NUTF2: variants seen among roughly 807,000 people sequenced by gnomAD.
The protein encoded by NUTF2 is nuclear transport factor 2.
In NUTF2, 3 loss-of-function variants were observed where a neutral mutation model predicts 18.5. That is an observed-to-expected ratio of 0.16 (90% confidence interval 0.07 to 0.42). The LOEUF (loss-of-function observed/expected upper bound fraction) is 0.42. NUTF2 is among the 10% of genes least tolerant of loss of function. The probability of loss-of-function intolerance (pLI) is 0.99; values close to 1 mark genes in which losing one functional copy is unlikely to be tolerated. For synonymous variants in NUTF2, 51 were observed against 57.9 expected (o/e 0.88, Z 0.54); for missense variants, 44 against 160.7 (o/e 0.27, Z 3.93).
chr16:67,866,998 G>A (rs568589191), intron 2 of NUTF2, among the ~76,000 whole-genome samples: 61 of 150,596 alleles, frequency 4.1e-4, no homozygotes, highest in Non-Finnish European at 8.3e-4. Context: ...TTGAGATGGA[G>A]TCTCACTCTG....
At chr16:67,858,606 G>A (rs544796573) in intron 1 of NUTF2, among the ~76,000 whole-genome samples, 1 of 152,196 alleles carries the variant, frequency 6.6e-6, no homozygotes, top group Non-Finnish European at 1.5e-5. Context: ...AAAGCCCTGC[G>A]ATGAGAACAG....
In NUTF2 at chr16:67,871,973, T is replaced by C. The variant is rs2058016580; in HGVS notation, c.*1060T>C. 1 of 152,060 alleles carries C rather than the reference T, an allele frequency of 6.6e-6. No individual in the cohort carries two copies. Among genetic ancestry groups the C allele is most frequent in the African/African-American group, 2.4e-5 (1 of 41,378 alleles). The allele number at this position is 152,060 out of a possible 1,614,324, so 9.4% of individuals were successfully genotyped here. ...CTGTGAGGGACTCATGCTTTAGGAG[T>C]CCTCACCCCTCAGACTGCTGCAGGA... is the stretch of plus-strand genomic sequence containing the variant. On this transcript the variant is annotated 3_prime_UTR_variant, in exon 5 of 5. Transcript: ENST00000219169.
chr16:67,852,772 TG>T (rs1598159261), intron 1 of NUTF2, among the ~76,000 whole-genome samples: 1 of 152,142 alleles, frequency 6.6e-6, no homozygotes, highest in Non-Finnish European at 1.5e-5. Flanking sequence ...CTCTGCCTCC[TG>T]GGTTCTAGCG....
chr16:67,857,306 G>A (rs147698239), intron 1 of NUTF2, among the ~76,000 whole-genome samples: 2 of 152,282 alleles, frequency 1.3e-5, no homozygotes, highest in African/African-American at 4.8e-5. Context: ...ATTCAGCTGG[G>A]CCAGTCAGGG....
chr16:67,864,495 G>A (rs1008664711), intron 1 of NUTF2, among the ~76,000 whole-genome samples: 11 of 135,892 alleles, frequency 8.1e-5, no homozygotes, highest in African/African-American at 3.1e-4. Flanking sequence ...GGCAACAAGA[G>A]TGAAACTCTG....
intron 1 of NUTF2, among the ~76,000 whole-genome samples, chr16:67,860,147 T>G (rs1235425211): frequency 6.6e-6 from 1 of 151,774 alleles, no homozygotes; most frequent in Admixed American, 6.6e-5. Flanking sequence ...GCCCAGCTAA[T>G]TTTTTGTATT....
chr16:67,856,077 C>A, intron 1 of NUTF2: 1 of 635,680 alleles, frequency 1.6e-6, no homozygotes, highest in South Asian at 1.8e-5. Context: ...ATCTGGACGT[C>A]CCTGAAGAAG....
intron 1 of NUTF2, among the ~76,000 whole-genome samples, chr16:67,858,947 C>T (rs1598163270): frequency 6.6e-6 from 1 of 152,040 alleles, no homozygotes; most frequent in Admixed American, 6.6e-5. Context: ...AGCCATCCTC[C>T]TACCTCAGCC....
In NUTF2 at chr16:67,866,775, T is replaced by C. The variant is rs2057975332; in HGVS notation, c.99+1546T>C. Among the ~76,000 whole-genome samples, 3 of 152,174 alleles carry C rather than the reference T, an allele frequency of 2.0e-5. No homozygotes were observed. In the South Asian group the frequency reaches 6.2e-4, roughly 32 times the overall value. ...AGCCACCGCGCCCGGCTACACCTAA[T>C]TTTTGTATTTTTAGTGGAGGTGACA... On this transcript the variant is annotated intron_variant, in intron 2 of 4. Transcript: ENST00000219169.
chr16:67,847,336 G>A (rs1156438779), intron 1 of NUTF2: 3 of 152,378 alleles, frequency 2.0e-5, no homozygotes, highest in African/African-American at 7.2e-5. Context: ...CCCGGCCTGC[G>A]CGAGCCCCGC....
At chr16:67,868,439 G>C in intron 3 of NUTF2, 28 bp downstream of exon 3, 1 of 1,613,882 alleles carries the variant, frequency 6.2e-7, no homozygotes. Context: ...CCAGGGTGCA[G>C]GTGGCTCCTT....
intron 2 of NUTF2, among the ~76,000 whole-genome samples, chr16:67,868,130 T>C (rs1430485325): frequency 6.6e-6 from 1 of 151,816 alleles, no homozygotes; most frequent in South Asian, 2.1e-4. Flanking sequence ...TTTTATTAAA[T>C]AGTCTTTCAA....
intron 1 of NUTF2, among the ~76,000 whole-genome samples, chr16:67,848,741 CAAAAAAAAAGAAAAA>C (rs1050747492): frequency 4.4e-5 from 5 of 114,770 alleles, no homozygotes; most frequent in African/African-American, 1.6e-4. Flanking sequence ...GACTCTGTCT[CAAAAAAAAAGAAAAA>C]GAAAAAAAAA....
intron 1 of NUTF2, among the ~76,000 whole-genome samples, chr16:67,859,647 C>G (rs1452323507): frequency 2.0e-5 from 3 of 151,434 alleles, no homozygotes; most frequent in African/African-American, 7.3e-5. Context: ...CGTGAGCCAC[C>G]GCGCCTGACC....
At chr16:67,868,898 G>A (rs917798512) in intron 4 of NUTF2, 3 of 286,194 alleles carry the variant, frequency 1.0e-5, no homozygotes, top group Admixed American at 4.6e-5. Flanking sequence ...GGAAAAGGGA[G>A]AAGTATAGGA....
At chr16:67,860,557 T>C (rs2057928648) in intron 1 of NUTF2, among the ~76,000 whole-genome samples, 1 of 152,212 alleles carries the variant, frequency 6.6e-6, no homozygotes, top group East Asian at 1.9e-4. Context: ...AGATGTGAGC[T>C]ACTATGCCCA....
intron 1 of NUTF2, chr16:67,855,891 G>GA (rs372307093): frequency 4.0e-4 from 172 of 430,850 alleles, no homozygotes; most frequent in African/African-American, 3.2e-3. Context: ...TTTTGGCGGG[G>GA]GGGGGGGATG....
At chr16:67,868,821 G>T (rs763480075) in intron 4 of NUTF2, 102 of 431,098 alleles carry the variant, frequency 2.4e-4, no homozygotes, top group Non-Finnish European at 3.6e-4. Context: ...GGTTGTACTA[G>T]CCATATAGAA....
intron 4 of NUTF2, 65 bp from the exon 5 acceptor site, chr16:67,870,735 C>A: frequency 7.4e-7 from 1 of 1,353,706 alleles, no homozygotes; most frequent in Non-Finnish European, 1.1e-6. Flanking sequence ...GCCCTCTTCT[C>A]CTACCACTGA....
Sources: gnomAD v4.1 joint callset for allele counts (sites outside exome capture counted in the v4.1 genomes callset) on GRCh38, gnomAD v4.1.1 for gene constraint, MANE v1.5 for transcripts, NCBI Gene and HGNC (gene_info 2026-07-23, HGNC 2026-07-21) for gene names.